The following SCD5 variants were observed in gnomAD, a reference collection of about 807,000 sequenced individuals.
SCD5 encodes the protein stearoyl-CoA desaturase 5, also known as acyl-CoA-desaturase 4.
Under a neutral mutation model 30.4 loss-of-function variants are expected in SCD5, and 20 were observed. The ratio of observed to expected loss-of-function variants is 0.66; its 90% confidence interval spans 0.46 to 0.96. The LOEUF is 0.96. Among genes scored for constraint, SCD5 ranks in the 40% least tolerant of loss-of-function variants. The pLI is 0.00. For synonymous variants in SCD5, 173 were observed against 176.4 expected (o/e 0.98, Z 0.16); for missense variants, 381 against 443.3 (o/e 0.86, Z 1.26).
intron 1 of SCD5, among the ~76,000 whole-genome samples, chr4:82,706,414 A>G (rs1053752714): frequency 6.6e-6 from 1 of 152,226 alleles, no homozygotes; most frequent in South Asian, 2.1e-4. Context: ...GGAATCTCCA[A>G]TAATTTAGGG....
chr4:82,759,004 AC>A (rs1417617971), intron 1 of SCD5, among the ~76,000 whole-genome samples: 22 of 152,298 alleles, frequency 1.4e-4, no homozygotes, highest in Admixed American at 1.4e-3. Flanking sequence ...CCCCGCTGAC[AC>A]CGGCAACTGC....
At chr4:82,759,049 C>T (rs1242905161) in intron 1 of SCD5, among the ~76,000 whole-genome samples, 1 of 152,256 alleles carries the variant, frequency 6.6e-6, no homozygotes, top group African/African-American at 2.4e-5. Flanking sequence ...CTTCAGCTCC[C>T]GGCCATCTCG....
At chr4:82,742,015 G>A (rs1440968109) in intron 1 of SCD5, among the ~76,000 whole-genome samples, 1 of 151,116 alleles carries the variant, frequency 6.6e-6, no homozygotes, top group Non-Finnish European at 1.5e-5. Context: ...GGGAGGTGGA[G>A]CTTGCAGTGA....
chr4:82,716,379 C>A (rs985034599), intron 1 of SCD5, among the ~76,000 whole-genome samples: 1 of 151,850 alleles, frequency 6.6e-6, no homozygotes, highest in Non-Finnish European at 1.5e-5. Flanking sequence ...TGTAAACAAA[C>A]AAACAAACAA....
chr4:82,674,102 A>G (rs975448229), intron 3 of SCD5, among the ~76,000 whole-genome samples: 1 of 152,178 alleles, frequency 6.6e-6, no homozygotes, highest in Non-Finnish European at 1.5e-5. Flanking sequence ...CAATTTATAT[A>G]TGACATCAAA....
chr4:82,682,153 ACT>A (rs1728590646), intron 2 of SCD5, among the ~76,000 whole-genome samples: 1 of 152,128 alleles, frequency 6.6e-6, no homozygotes, highest in Non-Finnish European at 1.5e-5. Flanking sequence ...CCTGAGACAG[ACT>A]CTGGTGCCCC....
At chr4:82,742,218 G>A (rs958557795) in intron 1 of SCD5, among the ~76,000 whole-genome samples, 1 of 152,170 alleles carries the variant, frequency 6.6e-6, no homozygotes, top group African/African-American at 2.4e-5. Context: ...AGGTCCCAGA[G>A]GCATGCCTGT....
rs942528220 is a variant in SCD5, at chr4:82,630,657, T to C, written c.*670A>G. The C allele has an allele frequency of 3.9e-5, 6 of 152,064 alleles. No homozygotes were observed. The highest frequency in any genetic ancestry group is 1.5e-4 in the African/African-American group (6 of 41,378). The allele number at this position is 152,064 out of a possible 1,614,324, so 9.4% of individuals were successfully genotyped here. On this transcript the variant is annotated 3_prime_UTR_variant, in exon 5 of 5. Transcript: ENST00000319540. ...ATGTTAAATCGTAGTAATATTGACTTGAAAAGTTTTTTAGGCTGGGCGCGC... is the reference window on the plus strand; with the variant it reads ...ATGTTAAATCGTAGTAATATTGACTCGAAAAGTTTTTTAGGCTGGGCGCGC...
At chr4:82,742,858 T>C (rs1464531877) in intron 1 of SCD5, among the ~76,000 whole-genome samples, 1 of 152,174 alleles carries the variant, frequency 6.6e-6, no homozygotes, top group Non-Finnish European at 1.5e-5. Context: ...CCCACCACAA[T>C]GTCCAACATG....
intron 1 of SCD5, among the ~76,000 whole-genome samples, chr4:82,742,266 C>T (rs1720891242): frequency 6.6e-6 from 1 of 152,106 alleles, no homozygotes; most frequent in South Asian, 2.1e-4. Context: ...GCTAGAGGGG[C>T]ATGCAGGAGC....
intron 2 of SCD5, among the ~76,000 whole-genome samples, chr4:82,699,316 T>C (rs1719763636): frequency 6.6e-6 from 1 of 152,192 alleles, no homozygotes; most frequent in African/African-American, 2.4e-5. Context: ...ATAGGTTACA[T>C]AACCACTTTT....
chr4:82,740,644 G>A (rs12640482), intron 1 of SCD5, among the ~76,000 whole-genome samples: 1 of 152,072 alleles, frequency 6.6e-6, no homozygotes, highest in Non-Finnish European at 1.5e-5. Flanking sequence ...AGTTCCCAAT[G>A]TGTGGTCTAT....
intron 1 of SCD5, among the ~76,000 whole-genome samples, chr4:82,729,972 C>A (rs1291007271): frequency 1.3e-5 from 2 of 152,108 alleles, no homozygotes; most frequent in African/African-American, 4.8e-5. Context: ...TTTCCTTTGT[C>A]TTTGTCATCT....
chr4:82,714,024 C>T (rs376486605), intron 1 of SCD5, among the ~76,000 whole-genome samples: 9 of 152,312 alleles, frequency 5.9e-5, no homozygotes, highest in African/African-American at 1.9e-4. Flanking sequence ...TTAAGTCTGG[C>T]CCTTCCCTTG....
At chr4:82,669,580 G>T (rs1022288104) in intron 3 of SCD5, among the ~76,000 whole-genome samples, 1 of 152,198 alleles carries the variant, frequency 6.6e-6, no homozygotes, top group Non-Finnish European at 1.5e-5. Context: ...ATTGCTGGAG[G>T]CTAGGTATGG....
chr4:82,764,322 A>G (rs886493032), intron 1 of SCD5, among the ~76,000 whole-genome samples: 1 of 152,198 alleles, frequency 6.6e-6, no homozygotes, highest in African/African-American at 2.4e-5. Flanking sequence ...TAGATCATTT[A>G]CATTTGGTGC....
intron 1 of SCD5, among the ~76,000 whole-genome samples, chr4:82,736,509 G>A (rs1199044565): frequency 6.6e-6 from 1 of 151,930 alleles, no homozygotes; most frequent in African/African-American, 2.4e-5. Flanking sequence ...TCAGGAGGCT[G>A]AGGCAGGAGA....
At position 82,641,253 on chromosome 4, in the gene SCD5, C is replaced by CAA. The variant is rs10708492; in HGVS notation, c.570-4432_570-4431dup. ...TAGGCGAAGAAGCAAAACTCCATCT[C>CAA]AAAAAAAAAAAAAAAAAAAAAAAAA... On this transcript the variant is annotated intron_variant, in intron 3 of 4. Transcript: ENST00000319540. 5.0e-4 allele frequency among the ~76,000 whole-genome samples: 26 copies of CAA among 52,182 alleles called. 1 individual carries two copies. The highest frequency in any genetic ancestry group is 8.0e-4 in the African/African-American group (12 of 14,980). The allele number at this position is 52,182 out of a possible 152,430, so 34.2% of individuals were successfully genotyped here.
intron 1 of SCD5, among the ~76,000 whole-genome samples, chr4:82,754,489 A>G (rs1418244936): frequency 6.6e-6 from 1 of 152,112 alleles, no homozygotes; most frequent in African/African-American, 2.4e-5. Flanking sequence ...CCTAAGAGGG[A>G]GAGGGACTCC....
Sources: allele counts gnomAD v4.1 joint callset (sites outside exome capture counted in the v4.1 genomes callset), GRCh38; gene constraint gnomAD v4.1.1; transcripts MANE v1.5; gene names NCBI Gene and HGNC (gene_info 2026-07-23, HGNC 2026-07-21).